The following BICC1 variants were observed in gnomAD, a reference collection of about 807,000 sequenced individuals.
BICC1 encodes BicC family RNA binding protein 1, also known as protein bicaudal C homolog 1.
Under a neutral mutation model 111.0 loss-of-function variants are expected in BICC1, and 43 were observed. The observed-to-expected ratio is 0.39, with a 90% CI of 0.30 to 0.50. The LOEUF is 0.50. BICC1 is among the 20% of genes least tolerant of loss of function. The probability of loss-of-function intolerance (pLI) is 0.88; values close to 1 mark genes in which losing one functional copy is unlikely to be tolerated. For missense variants in BICC1, 1,091 were observed against 1,203.2 expected, an observed-to-expected ratio of 0.91 and a Z score of 1.38; for synonymous variants, 467 against 434.4, an observed-to-expected ratio of 1.07 and a Z score of -0.93.
rs370698110 is a variant in BICC1, at chr10:58,607,317, A to AAAATAAATAAATAAAT, written c.191-13526_191-13511dup. ...GGCAACAAGAGCGAAACTCTGTCTCAAAATAAATAAATAAATAAATAAATA... is the reference window on the plus strand; with the variant it reads ...GGCAACAAGAGCGAAACTCTGTCTCAAAATAAATAAATAAATAAATAAATAAATAAATAAATAAATA... On this transcript the variant is annotated intron_variant, in intron 1 of 20. Coordinates refer to ENST00000373886, the MANE Select transcript of BICC1 (RefSeq NM_001080512.3). 2.7e-3 allele frequency among the ~76,000 whole-genome samples: 362 copies of AAAATAAATAAATAAAT among 134,700 alleles called. 2 individuals are homozygous for AAAATAAATAAATAAAT. The highest frequency in any genetic ancestry group is 6.9e-3 in the African/African-American group (260 of 37,910). The allele number at this position is 134,700 out of a possible 152,430, so 88.4% of individuals were successfully genotyped here.
At chr10:58,772,213 C>G (rs748086771) in intron 3 of BICC1, among the ~76,000 whole-genome samples, 4 of 152,186 alleles carry the variant, frequency 2.6e-5, no homozygotes, top group South Asian at 2.1e-4. Flanking sequence ...AGATTTCATA[C>G]AAAGATCTAA....
intron 4 of BICC1, among the ~76,000 whole-genome samples, chr10:58,785,565 C>T (rs1476611441): frequency 1.3e-5 from 2 of 152,074 alleles, no homozygotes; most frequent in South Asian, 4.1e-4. Flanking sequence ...ATGTCTCTCT[C>T]TCTCTCTCTC....
At chr10:58,648,397 C>A in intron 2 of BICC1, 1 of 447,352 alleles carries the variant, frequency 2.2e-6, no homozygotes, top group Non-Finnish European at 3.0e-6. Flanking sequence ...TCATTTCTCT[C>A]TGTCCTTTGC....
At chr10:58,663,422 A>G (rs1381352979) in intron 2 of BICC1, among the ~76,000 whole-genome samples, 3 of 152,060 alleles carry the variant, frequency 2.0e-5, no homozygotes, top group Admixed American at 2.0e-4. Context: ...CTAGCACTGG[A>G]CAACCTCTGG....
At chr10:58,605,202 C>T (rs193144839) in intron 1 of BICC1, among the ~76,000 whole-genome samples, 60 of 152,228 alleles carry the variant, frequency 3.9e-4, no homozygotes, top group Admixed American at 1.3e-3. Context: ...TATTAAAAAT[C>T]GTCACGTAAT....
chr10:58,691,068 AAG>A (rs1199521314), intron 2 of BICC1, among the ~76,000 whole-genome samples: 1 of 152,234 alleles, frequency 6.6e-6, no homozygotes, highest in Non-Finnish European at 1.5e-5. Context: ...GTATATATCC[AAG>A]AGACCATCAC....
chr10:58,803,381 A>C, intron 15 of BICC1, 139 bp downstream of exon 15: 6 of 664,800 alleles, frequency 9.0e-6, no homozygotes, highest in East Asian at 3.2e-5. Flanking sequence ...TTAAATATAT[A>C]TGTAGCAGTT....
chr10:58,666,781 C>T (rs993480641), intron 2 of BICC1, among the ~76,000 whole-genome samples: 5 of 152,026 alleles, frequency 3.3e-5, no homozygotes, highest in African/African-American at 1.2e-4. Context: ...TTGCATGACC[C>T]CTCCCACCAT....
intron 1 of BICC1, among the ~76,000 whole-genome samples, chr10:58,596,301 A>G (rs567999016): frequency 5.3e-5 from 8 of 152,180 alleles, no homozygotes; most frequent in East Asian, 1.9e-4. Context: ...AGCAAAACCA[A>G]TCACAAAAAC....
At chr10:58,753,110 G>T (rs911013186) in intron 3 of BICC1, among the ~76,000 whole-genome samples, 3 of 152,158 alleles carry the variant, frequency 2.0e-5, no homozygotes, top group African/African-American at 7.2e-5. Flanking sequence ...CCAAAGCCTA[G>T]TGTCTCAAAG....
intron 2 of BICC1, among the ~76,000 whole-genome samples, chr10:58,672,226 A>G (rs2132326912): frequency 6.6e-6 from 1 of 152,256 alleles, no homozygotes; most frequent in Middle Eastern, 3.4e-3. Flanking sequence ...TTCCATACCC[A>G]TTTAACAATA....
intron 1 of BICC1, among the ~76,000 whole-genome samples, chr10:58,609,144 C>T (rs1845330149): frequency 6.6e-6 from 1 of 152,208 alleles, no homozygotes; most frequent in African/African-American, 2.4e-5. Context: ...TAAATACTTT[C>T]ATGGCTTTGG....
At chr10:58,659,011 C>A (rs192852193) in intron 2 of BICC1, among the ~76,000 whole-genome samples, 1 of 151,778 alleles carries the variant, frequency 6.6e-6, no homozygotes, top group African/African-American at 2.4e-5. Flanking sequence ...TATACACGTA[C>A]GTATATCTAT....
At chr10:58,826,977 C>T (rs998658282) in intron 20 of BICC1, among the ~76,000 whole-genome samples, 2 of 152,202 alleles carry the variant, frequency 1.3e-5, no homozygotes, top group Non-Finnish European at 2.9e-5. Context: ...TTTCTCTAGA[C>T]TGTTTCCATT....
intron 3 of BICC1, among the ~76,000 whole-genome samples, chr10:58,783,015 G>T (rs1229785571): frequency 1.3e-5 from 2 of 152,152 alleles, no homozygotes; most frequent in African/African-American, 4.8e-5. Context: ...TTGGTCAGAC[G>T]CCCCTTGTGC....
rs570862740 is a variant in BICC1, at chr10:58,701,323, T to G, written c.238-751T>G. Among the ~76,000 whole-genome samples the G allele has an allele frequency of 5.3e-5, 8 of 152,336 alleles. No individual in the cohort carries two copies. The South Asian group carries it at 1.7e-3, about 32-fold the overall frequency. On this transcript the variant is annotated intron_variant, in intron 2 of 20. Coordinates refer to ENST00000373886, the MANE Select transcript of BICC1 (RefSeq NM_001080512.3). ...AAACATTAATCTAGTGTAATTCACGTAAAATTAGTGAGGAACAGAGGACGC... is the reference window on the plus strand; with the variant it reads ...AAACATTAATCTAGTGTAATTCACGGAAAATTAGTGAGGAACAGAGGACGC...
intron 1 of BICC1, among the ~76,000 whole-genome samples, chr10:58,528,016 T>G (rs923064614): frequency 1.3e-5 from 2 of 151,986 alleles, no homozygotes; most frequent in African/African-American, 4.8e-5. Flanking sequence ...ATAGTTGGTA[T>G]TTTTCAAATT....
At chr10:58,679,329 C>G (rs1839442065) in intron 2 of BICC1, among the ~76,000 whole-genome samples, 1 of 151,734 alleles carries the variant, frequency 6.6e-6, no homozygotes, top group South Asian at 2.1e-4. Flanking sequence ...ATCAAATAGA[C>G]AAAATTAAAA....
intron 1 of BICC1, among the ~76,000 whole-genome samples, chr10:58,606,169 G>A (rs1220266689): frequency 6.6e-6 from 1 of 151,910 alleles, no homozygotes; most frequent in East Asian, 1.9e-4. Flanking sequence ...CTCCCATCCT[G>A]GGAATTTCTC....
Sources: gnomAD v4.1 joint callset for allele counts (sites outside exome capture counted in the v4.1 genomes callset) on GRCh38, gnomAD v4.1.1 for gene constraint, MANE v1.5 for transcripts, NCBI Gene and HGNC (gene_info 2026-07-23, HGNC 2026-07-21) for gene names.